Variants in AHCYL1 observed in about 807,000 individuals in gnomAD.
AHCYL1 encodes the protein S-adenosylhomocysteine hydrolase-like protein 1.
AHCYL1 carries 20 observed loss-of-function variants against 79.3 expected under a neutral mutation model. That is an observed-to-expected ratio of 0.25 (90% CI 0.18 to 0.37). The LOEUF (loss-of-function observed/expected upper bound fraction) is 0.37, where lower values mean the gene tolerates loss of function less well. AHCYL1 is among the 10% of genes least tolerant of loss of function. AHCYL1 has a pLI of 1.00. For synonymous variants in AHCYL1, 223 were observed against 242.2 expected, an observed-to-expected ratio of 0.92 and a Z score of 0.74; for missense variants, 330 against 673.6, an observed-to-expected ratio of 0.49 and a Z score of 5.65.
intron 16 of AHCYL1, 145 bp downstream of exon 16, chr1:110,020,996 G>T: frequency 8.0e-7 from 1 of 1,247,890 alleles, no homozygotes; most frequent in Non-Finnish European, 1.1e-6. Context: ...GGTGGCTCAC[G>T]CCTGTAATCC....
Position 110,020,868 on chromosome 1 carries a change from C to T in AHCYL1, c.1586+17C>T. On this transcript the variant is annotated intron_variant, in intron 16 of 16. Transcript: ENST00000369799. ...TTATTACAGGTAACCTGGGGAGAAG[C>T]AAGTGAAAAGCTCTTTTTCCCAGTA... 6.2e-7 allele frequency: 1 copy of T among 1,605,944 alleles called. No homozygotes were observed. Among genetic ancestry groups the T allele is most frequent in the South Asian group, 1.1e-5 (1 of 89,498 alleles).
In AHCYL1 at chr1:110,009,136, T is replaced by C; in HGVS notation, c.223T>C (p.Tyr75His). 1.2e-6 allele frequency: 2 copies of C among 1,612,970 alleles called. No individual in the cohort carries two copies. The highest frequency in any genetic ancestry group is 1.7e-6 in the Non-Finnish European group (2 of 1,179,060). ...RSISQSSTDS[Y>H]SSAASYTDSS... ...GATCTCACAGTCCTCCACTGACAGC[T>C]ACAGTTCAGGTAGGTGTGAATGAAC... The change falls in exon 2 of 17, where the codon TAC becomes CAC. Residue 75 changes from tyrosine (Y) to histidine (H), a missense_variant. Coordinates refer to ENST00000369799, the MANE Select transcript of AHCYL1 (RefSeq NM_006621.7).
intron 1 of AHCYL1, among the ~76,000 whole-genome samples, chr1:109,996,684 GGTTT>G (rs1481265101): frequency 2.0e-5 from 3 of 152,324 alleles, no homozygotes; most frequent in African/African-American, 7.2e-5. Flanking sequence ...CAACGCAGTA[GGTTT>G]GTTACACCAG....
intron 13 of AHCYL1, 34 bp from the exon 14 acceptor site, chr1:110,019,015 CAG>C: frequency 1.3e-6 from 2 of 1,595,606 alleles, no homozygotes; most frequent in East Asian, 2.2e-5. Context: ...GAATCTGAGA[CAG>C]AGCTCATCCC....
chr1:110,018,313 G>A, intron 11 of AHCYL1, 60 bp from the exon 12 acceptor site: 1 of 1,543,288 alleles, frequency 6.5e-7, no homozygotes, highest in South Asian at 1.1e-5. Flanking sequence ...CTACCTGAAA[G>A]CCAGCCAGTA....
chr1:110,015,370 T>TC (rs1034299294), intron 6 of AHCYL1, 55 bp from the exon 7 acceptor site: 2 of 1,445,716 alleles, frequency 1.4e-6, no homozygotes, highest in South Asian at 1.1e-5. Flanking sequence ...GGTTCAAAGT[T>TC]CCCCCCAGCC....
intron 1 of AHCYL1, chr1:110,004,081 C>A: frequency 1.0e-6 from 1 of 985,410 alleles, no homozygotes; most frequent in South Asian, 4.7e-5. Context: ...CTCTTCTCGC[C>A]GCGAGCATTG....
At chr1:109,999,247 C>T (rs979726780) in intron 1 of AHCYL1, among the ~76,000 whole-genome samples, 1 of 151,964 alleles carries the variant, frequency 6.6e-6, no homozygotes, top group Non-Finnish European at 1.5e-5. Flanking sequence ...TTAATATATC[C>T]ATCACCTCAT....
Position 110,016,649 on chromosome 1 carries a change from C to A in AHCYL1, c.900-18C>A, listed in dbSNP as rs544261222. On this transcript the variant is annotated intron_variant, in intron 8 of 16. Coordinates refer to ENST00000369799, the MANE Select transcript of AHCYL1 (RefSeq NM_006621.7). Reference sequence around the variant, plus strand: ...TGAGCTATTAACGTTTGAGTTGAGCCCTTGTCTGTTTCCACAGCCTGAAGA... The same window carrying A: ...TGAGCTATTAACGTTTGAGTTGAGCACTTGTCTGTTTCCACAGCCTGAAGA... The A allele has an allele frequency of 1.9e-6, 3 of 1,613,928 alleles. No individual in the cohort carries two copies. The highest frequency in any genetic ancestry group is 2.5e-6 in the Non-Finnish European group (3 of 1,179,958).
chr1:109,987,746 A>G (rs997323849), intron 1 of AHCYL1, among the ~76,000 whole-genome samples: 2 of 152,200 alleles, frequency 1.3e-5, no homozygotes, highest in Admixed American at 1.3e-4. Flanking sequence ...GGTCTATCAC[A>G]CTGCTATGAA....
intron 4 of AHCYL1, 54 bp downstream of exon 4, chr1:110,012,516 A>ATTT: frequency 8.0e-6 from 9 of 1,127,358 alleles, no homozygotes; most frequent in Non-Finnish European, 8.4e-6. Flanking sequence ...AAAGAAATCA[A>ATTT]TTTTTTTTTT....
chr1:110,019,720 A>G (rs963878382), intron 15 of AHCYL1, 94 bp downstream of exon 15: 21 of 1,240,308 alleles, frequency 1.7e-5, no homozygotes, highest in Non-Finnish European at 2.2e-5. Flanking sequence ...CAGAGTTCCA[A>G]TTCCTGTTCC....
chr1:110,015,652 A>AG (rs1651369122), intron 7 of AHCYL1, 121 bp downstream of exon 7: 1 of 638,106 alleles, frequency 1.6e-6, no homozygotes, highest in Non-Finnish European at 2.4e-6. Flanking sequence ...TCATTAGATA[A>AG]AATTTTGAGT....
At chr1:110,012,555 C>G (rs755003104) in intron 4 of AHCYL1, 93 bp downstream of exon 4, 1 of 1,022,274 alleles carries the variant, frequency 9.8e-7, no homozygotes, top group Non-Finnish European at 1.4e-6. Flanking sequence ...ACTCGCCAAC[C>G]TCCAAATGCT....
rs1485802755 is a variant in AHCYL1, at chr1:109,984,808, C to A, written c.-245C>A. 1 of 381,314 alleles carries A rather than the reference C, an allele frequency of 2.6e-6. No individual in the cohort carries two copies. Among genetic ancestry groups the A allele is most frequent in the Non-Finnish European group, 4.2e-6 (1 of 240,964 alleles). The allele number at this position is 381,314 out of a possible 1,614,324, so 23.6% of individuals were successfully genotyped here. The stretch of plus-strand genomic sequence containing the variant: ...CGTACAGCGGAGGTGGCGGCGCGGG[C>A]AGGTCGGAGCTCGGAGCTGCTGTTC... On this transcript the variant is annotated 5_prime_UTR_variant, in exon 1 of 17. Transcript: ENST00000369799.
intron 1 of AHCYL1, among the ~76,000 whole-genome samples, chr1:109,988,614 T>C (rs1011843217): frequency 3.3e-5 from 5 of 152,206 alleles, no homozygotes; most frequent in Admixed American, 3.3e-4. Context: ...ACAATAAGCA[T>C]GTTTCTCCGG....
chr1:110,004,151 A>G, intron 1 of AHCYL1: 1 of 985,388 alleles, frequency 1.0e-6, no homozygotes, highest in Non-Finnish European at 1.2e-6. Context: ...GTGGAATTGG[A>G]TTCTAGCTGT....
chr1:110,003,982 G>A (rs911468834), intron 1 of AHCYL1: 3 of 985,256 alleles, frequency 3.0e-6, no homozygotes, highest in Admixed American at 1.2e-4. Context: ...AGCTCACAAG[G>A]GTCAAACTAC....
intron 1 of AHCYL1, among the ~76,000 whole-genome samples, chr1:109,999,869 C>T (rs971301862): frequency 9.2e-5 from 14 of 152,202 alleles, no homozygotes; most frequent in Admixed American, 8.5e-4. Flanking sequence ...TAAATGTGAG[C>T]CACTGCACCT....
Sources: gnomAD v4.1 joint callset for allele counts (sites outside exome capture counted in the v4.1 genomes callset) on GRCh38, gnomAD v4.1.1 for gene constraint, MANE v1.5 for transcripts, NCBI Gene and HGNC (gene_info 2026-07-23, HGNC 2026-07-21) for gene names.